The following FN1 variants were observed in gnomAD, a reference collection of about 807,000 sequenced individuals.
FN1 encodes the protein fibronectin.
FN1 carries 106 observed loss-of-function variants against 297.3 expected under a neutral mutation model. The ratio of observed to expected loss-of-function variants is 0.36; its 90% CI spans 0.30 to 0.42. The LOEUF is 0.42. Ranked by LOEUF, FN1 falls within the 10% of genes least tolerant of loss-of-function variation. The pLI, the probability that FN1 is intolerant of heterozygous loss-of-function variation, is 1.00. For missense variants in FN1, 2,690 were observed against 3,124.9 expected (o/e 0.86, Z 3.32); for synonymous variants, 1,149 against 1,152.6 (o/e 1.00, Z 0.06).
intron 11 of FN1, among the ~76,000 whole-genome samples, chr2:215,420,263 C>G (rs2106398214): frequency 6.6e-6 from 1 of 151,952 alleles, no homozygotes; most frequent in East Asian, 1.9e-4. Context: ...TGCTTGAACC[C>G]AGGAAGCAGA....
intron 23 of FN1, among the ~76,000 whole-genome samples, 156 bp downstream of exon 23, chr2:215,396,981 G>C (rs2060375373): frequency 6.6e-6 from 1 of 152,166 alleles, no homozygotes; most frequent in Non-Finnish European, 1.5e-5. Context: ...CCTGCAGGCT[G>C]CTCCATGATG....
chr2:215,374,772 T>A (rs1178324877), intron 38 of FN1, among the ~76,000 whole-genome samples: 1 of 152,086 alleles, frequency 6.6e-6, no homozygotes, highest in African/African-American at 2.4e-5. Flanking sequence ...CCAATGTGGG[T>A]GGTTGGGACT....
chr2:215,393,738 T>C (rs1045128374), intron 24 of FN1: 1 of 152,320 alleles, frequency 6.6e-6, no homozygotes, highest in Admixed American at 6.5e-5. Context: ...TGGTGTGAAA[T>C]GTGCCATTCA....
At chr2:215,435,200 T>C (rs1315448502) in intron 1 of FN1, among the ~76,000 whole-genome samples, 2 of 152,188 alleles carry the variant, frequency 1.3e-5, no homozygotes, top group Admixed American at 1.3e-4. Flanking sequence ...CTGAACCAAT[T>C]ACATCTCTTC....
chr2:215,404,761 T>C, intron 19 of FN1, 106 bp from the exon 20 acceptor site: 1 of 1,098,000 alleles, frequency 9.1e-7, no homozygotes, highest in South Asian at 1.3e-5. Flanking sequence ...CTCAAGGTTG[T>C]AACTATGTGA....
intron 42 of FN1, chr2:215,367,646 T>C (rs1162467732): frequency 5.1e-6 from 3 of 585,412 alleles, no homozygotes. Flanking sequence ...ATAGTTGTAT[T>C]GGCATACAAC....
intron 38 of FN1, among the ~76,000 whole-genome samples, chr2:215,374,342 A>G (rs188281692): frequency 4.6e-5 from 7 of 152,318 alleles, no homozygotes; most frequent in Admixed American, 1.3e-4. Context: ...GTGATACTCT[A>G]TACAGACTGA....
chr2:215,402,460 C>T lies in FN1; in HGVS notation c.3253+1929G>A, dbSNP rs575382639. Reference sequence around the variant, plus strand: ...TCCCCTAACTTTTCTCACATTTGCTCTTAAGAATTTAGCACAAGTTATAAA... The same window carrying T: ...TCCCCTAACTTTTCTCACATTTGCTTTTAAGAATTTAGCACAAGTTATAAA... On this transcript the variant is annotated intron_variant, in intron 20 of 45. Coordinates refer to ENST00000354785, the MANE Select transcript of FN1 (RefSeq NM_212482.4). Among the ~76,000 whole-genome samples, 10 of 152,266 alleles carry T rather than the reference C, an allele frequency of 6.6e-5. 1 individual carries two copies. The South Asian group carries it at 1.9e-3, about 28-fold the overall frequency.
chr2:215,428,042 A>G, intron 6 of FN1, 138 bp downstream of exon 6: 1 of 1,064,338 alleles, frequency 9.4e-7, no homozygotes, highest in Non-Finnish European at 1.4e-6. Flanking sequence ...AACAACCAAT[A>G]ATGTGTAAAT....
intron 28 of FN1, 105 bp from the exon 29 acceptor site, chr2:215,385,081 A>C: frequency 1.2e-6 from 1 of 812,992 alleles, no homozygotes; most frequent in Non-Finnish European, 2.1e-6. Context: ...CTTCCATACA[A>C]TCATGTAAAT....
chr2:215,370,492 C>G (rs946810996), intron 40 of FN1, 60 bp from the exon 41 acceptor site: 1 of 1,428,158 alleles, frequency 7.0e-7, no homozygotes, highest in African/African-American at 1.5e-5. Context: ...ATGACACGGG[C>G]TCTCCTCTTA....
intron 8 of FN1, among the ~76,000 whole-genome samples, chr2:215,423,878 T>C (rs2106438075): frequency 6.6e-6 from 1 of 152,278 alleles, no homozygotes; most frequent in Non-Finnish European, 1.5e-5. Context: ...GATTCCAAAA[T>C]ACAAGTATCT....
At chr2:215,384,467 C>T (rs1298264410) in intron 29 of FN1, 5 of 479,708 alleles carry the variant, frequency 1.0e-5, no homozygotes, top group Non-Finnish European at 1.9e-5. Flanking sequence ...AAGGTAAGCC[C>T]TCAACCCAGG....
At chr2:215,382,528 G>A (rs1199707625) in intron 31 of FN1, among the ~76,000 whole-genome samples, 1 of 152,150 alleles carries the variant, frequency 6.6e-6, no homozygotes, top group African/African-American at 2.4e-5. Context: ...TGGGAGTGAA[G>A]TCACACTCAA....
At position 215,376,497 on chromosome 2, in the gene FN1, C is replaced by T; in HGVS notation, c.5887+1G>A. 2 of 1,614,040 alleles carry T rather than the reference C, an allele frequency of 1.2e-6. No individual in the cohort carries two copies. The highest frequency in any genetic ancestry group is 1.7e-6 in the Non-Finnish European group (2 of 1,179,926). On this transcript the variant is annotated splice_donor_variant, in intron 36 of 45. Transcript: ENST00000354785. LOFTEE classifies it high-confidence loss of function. The stretch of plus-strand genomic sequence containing the variant: ...GTGGTTAGTGCAATGAGTTCCCTGA[C>T]CTGTGATGGTGTAGCTTCTGACATC...
At chr2:215,411,823 T>C (rs2062686150) in intron 13 of FN1, among the ~76,000 whole-genome samples, 1 of 152,098 alleles carries the variant, frequency 6.6e-6, no homozygotes, top group South Asian at 2.1e-4. Context: ...TGCGCCACCA[T>C]GCCCAGCTAA....
intron 17 of FN1, 138 bp downstream of exon 17, chr2:215,407,969 CA>C: frequency 4.3e-6 from 3 of 693,964 alleles, no homozygotes; most frequent in Admixed American, 2.0e-5. Flanking sequence ...CACACACACA[CA>C]CACACACACA....
chr2:215,365,081 C>T (rs1021502639), intron 43 of FN1, 96 bp from the exon 44 acceptor site: 6 of 782,332 alleles, frequency 7.7e-6, no homozygotes, highest in Admixed American at 2.0e-5. Context: ...AAATTTGTAT[C>T]ATCACAGCGC....
intron 32 of FN1, chr2:215,381,496 T>C: frequency 3.3e-6 from 1 of 305,572 alleles, no homozygotes; most frequent in Non-Finnish European, 6.3e-6. Context: ...TTTTTTGAGA[T>C]GGAGTCTCAC....
Sources: allele counts gnomAD v4.1 joint callset (sites outside exome capture counted in the v4.1 genomes callset), GRCh38; gene constraint gnomAD v4.1.1; transcripts MANE v1.5; gene names NCBI Gene and HGNC (gene_info 2026-07-23, HGNC 2026-07-21).